Variants in CCDC141 observed in about 807,000 individuals in gnomAD.
CCDC141 encodes the protein coiled-coil domain-containing protein 141.
CCDC141 carries 168 observed loss-of-function variants against 181.0 expected under a neutral mutation model. The ratio of observed to expected loss-of-function variants is 0.93; its 90% CI spans 0.82 to 1.05. The LOEUF (loss-of-function observed/expected upper bound fraction) is 1.05. Ranked by LOEUF, CCDC141 falls within the 50% of genes least tolerant of loss-of-function variation. CCDC141 has a pLI of 0.00. For missense variants in CCDC141, 1,902 were observed against 1,788.5 expected, an observed-to-expected ratio of 1.06 and a Z score of -1.14; for synonymous variants, 666 against 642.3, an observed-to-expected ratio of 1.04 and a Z score of -0.56.
chr2:178,839,012 T>C (rs1376916987), intron 22 of CCDC141, among the ~76,000 whole-genome samples: 1 of 152,228 alleles, frequency 6.6e-6, no homozygotes. Context: ...GTACTGGTTT[T>C]TGTCCTGCAG....
At position 178,993,372 on chromosome 2, in the gene CCDC141, G is replaced by C. The variant is rs1692144072; in HGVS notation, c.226-14697C>G. On this transcript the variant is annotated intron_variant, in intron 2 of 23. Coordinates refer to ENST00000443758, the MANE Select transcript of CCDC141 (RefSeq NM_173648.4). ...CATAGCAGAAGGCAAGGAGGAGCAA[G>C]TCACATCTTACGTGGATAGTGCCAG... 2.0e-5 allele frequency among the ~76,000 whole-genome samples: 3 copies of C among 152,174 alleles called. No homozygotes were observed. In the South Asian group the frequency reaches 6.2e-4, roughly 32 times the overall value.
chr2:178,869,023 G>T (rs114562443), intron 15 of CCDC141, 94 bp downstream of exon 15: 4 of 830,772 alleles, frequency 4.8e-6, no homozygotes, highest in Non-Finnish European at 3.5e-6. Flanking sequence ...GATACTAGAA[G>T]ACACAATTTG....
chr2:178,975,776 C>T (rs756622575), intron 3 of CCDC141, among the ~76,000 whole-genome samples: 1 of 152,058 alleles, frequency 6.6e-6, no homozygotes, highest in Non-Finnish European at 1.5e-5. Context: ...AAAAAATACA[C>T]ACCAAATGGT....
chr2:178,997,237 T>C (rs1692329013), intron 2 of CCDC141, among the ~76,000 whole-genome samples: 1 of 152,190 alleles, frequency 6.6e-6, no homozygotes, highest in African/African-American at 2.4e-5. Flanking sequence ...GGTCCAGCTT[T>C]CTGTTTGCCC....
In CCDC141 at chr2:178,927,314, C is replaced by A. The variant is rs978888032; in HGVS notation, c.898-8407G>T. The stretch of plus-strand genomic sequence containing the variant: ...CCATCTAAAAAGCATTATTCAGCAC[C>A]TTTTATGAACACAAGCTCAAACAGG... On this transcript the variant is annotated intron_variant, in intron 6 of 23. Transcript: ENST00000443758. Among the ~76,000 whole-genome samples the A allele has an allele frequency of 3.3e-5, 5 of 152,072 alleles. 1 individual carries two copies. The South Asian group carries it at 1.0e-3, about 32-fold the overall frequency.
chr2:179,005,180 CAT>C (rs992107492), intron 2 of CCDC141, among the ~76,000 whole-genome samples: 7 of 152,238 alleles, frequency 4.6e-5, no homozygotes, highest in African/African-American at 1.4e-4. Context: ...TTCAACTACA[CAT>C]GATTAATTGA....
intron 7 of CCDC141, among the ~76,000 whole-genome samples, chr2:178,913,627 C>G (rs1292849511): frequency 6.6e-6 from 1 of 152,162 alleles, no homozygotes; most frequent in Non-Finnish European, 1.5e-5. Context: ...CTGTAAATAT[C>G]TTGAAAAAGC....
intron 2 of CCDC141, among the ~76,000 whole-genome samples, chr2:178,984,965 C>G (rs1306187345): frequency 6.7e-6 from 1 of 150,338 alleles, no homozygotes; most frequent in African/African-American, 2.5e-5. Flanking sequence ...ACCAAGCGGA[C>G]CTAATAGACA....
intron 2 of CCDC141, among the ~76,000 whole-genome samples, chr2:179,037,103 G>A (rs1033604258): frequency 5.9e-5 from 9 of 152,160 alleles, no homozygotes; most frequent in African/African-American, 2.2e-4. Flanking sequence ...TCTGCCAAGT[G>A]GGGACATCTG....
At chr2:178,908,997 G>A (rs1402231092) in intron 7 of CCDC141, among the ~76,000 whole-genome samples, 1 of 152,204 alleles carries the variant, frequency 6.6e-6, no homozygotes, top group Non-Finnish European at 1.5e-5. Flanking sequence ...CCTGGTGCCT[G>A]TCATTCATCC....
In CCDC141 at chr2:178,831,103, T is replaced by A. The variant is rs1444835515; in HGVS notation, c.*3070A>T. ...AGTGATAGAGGTTACCATTATTGAT[T>A]AATATAGCTAAAAAATTTTCTGCAT... is the stretch of plus-strand genomic sequence containing the variant. On this transcript the variant is annotated 3_prime_UTR_variant, in exon 24 of 24. Transcript: ENST00000443758. 6.6e-6 allele frequency: 1 copy of A among 152,156 alleles called. No homozygotes were observed. Among genetic ancestry groups the A allele is most frequent in the Non-Finnish European group, 1.5e-5 (1 of 68,020 alleles). 9.4% of individuals were successfully genotyped at this position (152,156 alleles called of 1,614,324 possible).
chr2:178,914,775 A>T (rs1162906427), intron 7 of CCDC141, among the ~76,000 whole-genome samples: 2 of 152,244 alleles, frequency 1.3e-5, no homozygotes, highest in African/African-American at 2.4e-5. Flanking sequence ...ATATCTAAAG[A>T]GAAGGGTAAT....
chr2:178,887,500 C>G (rs1404624492), intron 9 of CCDC141, among the ~76,000 whole-genome samples: 1 of 152,160 alleles, frequency 6.6e-6, no homozygotes, highest in Non-Finnish European at 1.5e-5. Flanking sequence ...AGTCCATACT[C>G]CCCAGACTCA....
At chr2:178,939,741 C>G (rs1689431531) in intron 6 of CCDC141, among the ~76,000 whole-genome samples, 1 of 151,842 alleles carries the variant, frequency 6.6e-6, no homozygotes, top group Non-Finnish European at 1.5e-5. Flanking sequence ...AAGGGGTATA[C>G]TCTTTTGTGT....
chr2:179,017,947 A>G (rs902303559), intron 2 of CCDC141, among the ~76,000 whole-genome samples: 3 of 152,108 alleles, frequency 2.0e-5, no homozygotes, highest in African/African-American at 7.2e-5. Context: ...TAGTCATTAA[A>G]CTAAGGAAAA....
chr2:178,974,981 T>A (rs1691054950), intron 4 of CCDC141, 76 bp downstream of exon 4: 1 of 658,476 alleles, frequency 1.5e-6, no homozygotes, highest in South Asian at 2.7e-5. Context: ...AAATACACTA[T>A]CATACATAAG....
At position 178,898,953 on chromosome 2, in the gene CCDC141, T is replaced by C. The variant is rs1301716534; in HGVS notation, c.1265+6376A>G. Among the ~76,000 whole-genome samples the C allele has an allele frequency of 4.6e-5, 7 of 152,196 alleles. 1 individual carries two copies. The highest frequency in any genetic ancestry group is 1.0e-4 in the Non-Finnish European group (7 of 68,040). On this transcript the variant is annotated intron_variant, in intron 8 of 23. Coordinates refer to ENST00000443758, the MANE Select transcript of CCDC141 (RefSeq NM_173648.4). ...TTCCAGTTAGTGAAAATGAATAGAA[T>C]TTGATACAACTGACTGTGCTGTAAT...
chr2:179,015,093 T>TA (rs1236700384), intron 2 of CCDC141, among the ~76,000 whole-genome samples: 10 of 41,994 alleles, frequency 2.4e-4, no homozygotes, highest in African/African-American at 7.6e-4. Flanking sequence ...TATATATATA[T>TA]ATATATATAT....
intron 2 of CCDC141, among the ~76,000 whole-genome samples, chr2:179,038,235 A>T (rs2043197708): frequency 6.6e-6 from 1 of 152,216 alleles, no homozygotes; most frequent in South Asian, 2.1e-4. Flanking sequence ...CCTTGAAAAC[A>T]TCATATGCTA....
Sources: allele counts gnomAD v4.1 joint callset (sites outside exome capture counted in the v4.1 genomes callset), GRCh38; gene constraint gnomAD v4.1.1; transcripts MANE v1.5; gene names NCBI Gene and HGNC (gene_info 2026-07-23, HGNC 2026-07-21).